The following ATP11A variants were observed in gnomAD, a reference collection of about 807,000 sequenced individuals.
ATP11A encodes the protein ATPase phospholipid transporting 11A.
In ATP11A, 81 loss-of-function variants were observed where a neutral mutation model predicts 154.4. The ratio of observed to expected loss-of-function variants is 0.52; its 90% CI spans 0.44 to 0.63. ATP11A has a LOEUF of 0.63. ATP11A is among the 30% of genes least tolerant of loss of function. The probability of loss-of-function intolerance (pLI) is 0.00; values close to 1 mark genes in which losing one functional copy is unlikely to be tolerated. For synonymous variants in ATP11A, 623 were observed against 585.9 expected (o/e 1.06, Z -0.91); for missense variants, 1,316 against 1,474.3 (o/e 0.89, Z 1.76).
intron 1 of ATP11A, among the ~76,000 whole-genome samples, chr13:112,752,180 C>T (rs1333972926): frequency 2.0e-5 from 3 of 152,178 alleles, no homozygotes; most frequent in South Asian, 2.1e-4. Context: ...TGGCCTGCCT[C>T]GTTTCAAGGT....
intron 1 of ATP11A, chr13:112,703,353 C>T (rs578207242): frequency 1.3e-5 from 2 of 152,160 alleles, no homozygotes; most frequent in Middle Eastern, 3.2e-3. Context: ...GTAAGTACCT[C>T]GTAAAGGCCC....
chr13:112,851,230 G>T lies in ATP11A; in HGVS notation c.1991+12G>T. 6.2e-7 allele frequency: 1 copy of T among 1,608,698 alleles called. No homozygotes were observed. Among genetic ancestry groups the T allele is most frequent in the Non-Finnish European group, 8.5e-7 (1 of 1,177,074 alleles). On this transcript the variant is annotated intron_variant, in intron 18 of 29. Transcript: ENST00000375645. ...GCTGTTGAGGACCGGTAAAGTAAAC[G>T]CATGCATCCCGTCCTGAGAGACAAA...
In ATP11A at chr13:112,825,581, G is replaced by T; in HGVS notation, c.1023+1G>T. ...GGAGTCGGAAAGGCAGAGGAATCTGGTATGGAGAATCACTGCCCTTGTATG... is the reference window on the plus strand; with the variant it reads ...GGAGTCGGAAAGGCAGAGGAATCTGTTATGGAGAATCACTGCCCTTGTATG... On this transcript the variant is annotated splice_donor_variant, in intron 11 of 29. Transcript: ENST00000375645. LOFTEE classifies it high-confidence loss of function. The T allele has an allele frequency of 1.2e-6, 2 of 1,611,592 alleles. No homozygotes were observed.
chr13:112,807,787 G>A lies in ATP11A; in HGVS notation c.333+1494G>A, dbSNP rs2078364442. Among the ~76,000 whole-genome samples, 1 of 152,142 alleles carries A rather than the reference G, an allele frequency of 6.6e-6. No individual in the cohort carries two copies. The highest frequency in any genetic ancestry group is 1.5e-5 in the Non-Finnish European group (1 of 68,016). On this transcript the variant is annotated intron_variant, in intron 4 of 29. Coordinates refer to ENST00000375645, the MANE Select transcript of ATP11A (RefSeq NM_015205.3). This position sits in a 1 kb window ranked among gnomAD's most constrained non-coding sequence, Gnocchi z 4.5. Reference sequence around the variant, plus strand: ...TCTGTGATACATCTGTGTGGTAGGAGCAGAGGCTGCAGACAGGAAGGAGAC... The same window carrying A: ...TCTGTGATACATCTGTGTGGTAGGAACAGAGGCTGCAGACAGGAAGGAGAC...
intron 2 of ATP11A, among the ~76,000 whole-genome samples, chr13:112,798,161 G>A (rs561709687): frequency 6.6e-6 from 1 of 152,338 alleles, no homozygotes; most frequent in East Asian, 1.9e-4. Flanking sequence ...GGCGGAATCA[G>A]AACTCTTGAA....
In ATP11A at chr13:112,882,397, T is replaced by C. The variant is rs1289333715; in HGVS notation, c.*531T>C. 5 of 394,354 alleles carry C rather than the reference T, an allele frequency of 1.3e-5. No homozygotes were observed. Among genetic ancestry groups the C allele is most frequent in the South Asian group, 8.3e-5 (3 of 36,354 alleles). 24.4% of individuals were successfully genotyped at this position (394,354 alleles called of 1,614,324 possible). ...CATGTGGATGCCACATGCTGCTGTTTCCTGCTTGCCCGGCCACCACCCATG... is the reference window on the plus strand; with the variant it reads ...CATGTGGATGCCACATGCTGCTGTTCCCTGCTTGCCCGGCCACCACCCATG... On this transcript the variant is annotated 3_prime_UTR_variant, in exon 30 of 30. Coordinates refer to ENST00000375645, the MANE Select transcript of ATP11A (RefSeq NM_015205.3). This position sits in a 1 kb window ranked among gnomAD's most constrained non-coding sequence, Gnocchi z 5.1.
Position 112,831,526 on chromosome 13 carries a change from C to T in ATP11A, c.1373C>T (p.Ser458Leu), listed in dbSNP as rs747653243. Residue 458 changes from serine (S) to leucine (L), a missense_variant, in exon 13 of 30, where the codon TCG becomes TTG. By Grantham distance (145) the Ser-to-Leu change is moderately radical. Around this residue, in one of 5 missense-constraint regions of ATP11A, gnomAD observed 876 missense variants for 1,006.8 expected, o/e 0.87. Transcript: ENST00000375645. ...PESSGIDMID[S>L]SPSVNGRERE... is the part of the protein sequence containing the mutation. ...TCGTCAGGAATCGACATGATTGACT[C>T]GTCCCCCAGCGTCAACGGGAGGGTA... 6.8e-6 allele frequency: 11 copies of T among 1,614,030 alleles called. No individual in the cohort carries two copies. Among genetic ancestry groups the T allele is most frequent in the Admixed American group, 6.7e-5 (4 of 59,996 alleles).
At chr13:112,719,559 A>G (rs1888913295) in intron 1 of ATP11A, among the ~76,000 whole-genome samples, 1 of 152,242 alleles carries the variant, frequency 6.6e-6, no homozygotes, top group Admixed American at 6.5e-5. Flanking sequence ...TCCGTTCTAC[A>G]TAATGAGAGC....
At chr13:112,720,117 C>T (rs1888984605) in intron 1 of ATP11A, among the ~76,000 whole-genome samples, 1 of 152,168 alleles carries the variant, frequency 6.6e-6, no homozygotes, top group Non-Finnish European at 1.5e-5. Flanking sequence ...TTATTCTGAG[C>T]CTGTCTAAGT....
Position 112,875,538 on chromosome 13 carries a change from A to G in ATP11A, c.3162-238A>G, listed in dbSNP as rs558734401. Among the ~76,000 whole-genome samples, 14 of 147,648 alleles carry G rather than the reference A, an allele frequency of 9.5e-5. No individual in the cohort carries two copies. The South Asian group carries it at 1.1e-3, about 11-fold the overall frequency. On this transcript the variant is annotated intron_variant, in intron 27 of 29. Coordinates refer to ENST00000375645, the MANE Select transcript of ATP11A (RefSeq NM_015205.3). The surrounding 1 kb of genome is among the most constrained non-coding windows in gnomAD (Gnocchi z 4.1). The stretch of plus-strand genomic sequence containing the variant: ...GTGAAACTGAACTTCAGAGACTTCT[A>G]TGTCCCATTTGAGATGACTTCATAG...
At chr13:112,777,011 T>C (rs282592) in intron 1 of ATP11A, among the ~76,000 whole-genome samples, 88,483 of 152,096 alleles carry the variant, frequency 0.58, 26,600 homozygotes, top group African/African-American at 0.73. Flanking sequence ...CGCAGCGTCT[T>C]GCCCCTTGAG....
chr13:112,776,640 G>A (rs2077355676), intron 1 of ATP11A, among the ~76,000 whole-genome samples: 1 of 152,084 alleles, frequency 6.6e-6, no homozygotes, highest in African/African-American at 2.4e-5. Context: ...CTGTCGTCCA[G>A]GCTGAAATGC....
At chr13:112,729,999 T>A (rs1481693666) in intron 1 of ATP11A, among the ~76,000 whole-genome samples, 2 of 152,236 alleles carry the variant, frequency 1.3e-5, no homozygotes, top group African/African-American at 4.8e-5. Flanking sequence ...AATTTTTAGT[T>A]ACAGATTTGG....
At chr13:112,703,575 G>A (rs1022100134) in intron 1 of ATP11A, among the ~76,000 whole-genome samples, 8 of 152,184 alleles carry the variant, frequency 5.3e-5, no homozygotes, top group Non-Finnish European at 1.0e-4. Context: ...CATGTTCCAC[G>A]AAGTCTGGAA....
chr13:112,886,412 A>G lies in ATP11A; in HGVS notation c.*4546A>G, dbSNP rs1223048115. The stretch of plus-strand genomic sequence containing the variant: ...ACAACCACTCTTATTTAATGTTAGT[A>G]TTATTTATTTGACAACTCAGTGTCT... On this transcript the variant is annotated 3_prime_UTR_variant, in exon 30 of 30. Transcript: ENST00000375645. 1 of 152,226 alleles carries G rather than the reference A, an allele frequency of 6.6e-6. No individual in the cohort carries two copies. The highest frequency in any genetic ancestry group is 1.5e-5 in the Non-Finnish European group (1 of 68,038). The allele number at this position is 152,226 out of a possible 1,614,324, so 9.4% of individuals were successfully genotyped here. A position where few individuals can be genotyped will look rare whatever the true frequency, so the allele number is the denominator to read the frequency against.
chr13:112,701,797 C>T (rs1013638369), intron 1 of ATP11A, among the ~76,000 whole-genome samples: 1 of 152,132 alleles, frequency 6.6e-6, no homozygotes, highest in Non-Finnish European at 1.5e-5. Flanking sequence ...CGCGCCACTG[C>T]ACTCCAGCCT....
chr13:112,786,679 C>T (rs1293721444), intron 2 of ATP11A, among the ~76,000 whole-genome samples: 1 of 150,146 alleles, frequency 6.7e-6, no homozygotes, highest in Non-Finnish European at 1.5e-5. Context: ...TGCCTGCATT[C>T]AGACTCCATT....
intron 1 of ATP11A, chr13:112,745,934 C>T (rs1403628713): frequency 6.6e-6 from 1 of 152,168 alleles, no homozygotes; most frequent in Non-Finnish European, 1.5e-5. Context: ...CACCTCCCCT[C>T]CCCCAGGCCC....
At chr13:112,733,643 G>A (rs1890710293) in intron 1 of ATP11A, among the ~76,000 whole-genome samples, 1 of 152,182 alleles carries the variant, frequency 6.6e-6, no homozygotes, top group African/African-American at 2.4e-5. Context: ...AAACTCACAA[G>A]TGTGGATCAC....
Sources: gnomAD v4.1 joint callset for allele counts (sites outside exome capture counted in the v4.1 genomes callset) on GRCh38, gnomAD v4.1.1 for gene constraint, gnomAD v4.1.1 regional missense constraint, Gnocchi (gnomAD v3.1) non-coding constraint, MANE v1.5 for transcripts, NCBI Gene and HGNC (gene_info 2026-07-23, HGNC 2026-07-21) for gene names.